Variants in WWOX observed in about 807,000 individuals in gnomAD.
WWOX encodes the protein WW domain containing oxidoreductase.
Under a neutral mutation model 46.2 loss-of-function variants are expected in WWOX, and 69 were observed. That is an observed-to-expected ratio of 1.49 (90% CI 1.23 to 1.82). WWOX has a LOEUF of 1.82. Among genes scored for constraint, WWOX ranks in the 40% most tolerant of loss-of-function variants. WWOX has a pLI of 0.00. For synonymous variants in WWOX, 359 were observed against 202.6 expected (o/e 1.77, Z -6.56); for missense variants, 919 against 542.6 (o/e 1.69, Z -6.89).
chr16:78,982,109 T>A (rs2046694259), intron 8 of WWOX, among the ~76,000 whole-genome samples: 1 of 152,046 alleles, frequency 6.6e-6, no homozygotes, highest in African/African-American at 2.4e-5. Flanking sequence ...CTAAACTCCG[T>A]GGGGTTTGTA....
At chr16:78,826,435 C>G (rs1259268026) in intron 8 of WWOX, among the ~76,000 whole-genome samples, 1 of 152,188 alleles carries the variant, frequency 6.6e-6, no homozygotes, top group African/African-American at 2.4e-5. Flanking sequence ...TTTGGAGGCT[C>G]TAGCTAAGAA....
At chr16:78,393,808 G>C (rs2151939289) in intron 6 of WWOX, among the ~76,000 whole-genome samples, 1 of 151,380 alleles carries the variant, frequency 6.6e-6, no homozygotes, top group East Asian at 1.9e-4. Flanking sequence ...CTTAAGCTTT[G>C]TCTCACTTAG....
At chr16:79,096,667 C>G (rs1024067895) in intron 8 of WWOX, among the ~76,000 whole-genome samples, 6 of 152,200 alleles carry the variant, frequency 3.9e-5, no homozygotes, top group Admixed American at 6.6e-5. Flanking sequence ...AATCCAAGCA[C>G]AATTTCCAGT....
At chr16:78,333,150 A>G (rs1314543590) in intron 5 of WWOX, among the ~76,000 whole-genome samples, 2 of 144,198 alleles carry the variant, frequency 1.4e-5, no homozygotes, top group Non-Finnish European at 3.0e-5. Context: ...TCCCAGGTTC[A>G]GGCGATTCTC....
chr16:78,114,954 C>T, intron 3 of WWOX, 22 bp from the exon 4 acceptor site: 2 of 1,614,048 alleles, frequency 1.2e-6, no homozygotes, highest in Non-Finnish European at 1.7e-6. Flanking sequence ...GCTGTGGGTT[C>T]ACTGCTTTCT....
chr16:79,155,142 C>A (rs12933537), intron 8 of WWOX, among the ~76,000 whole-genome samples: 12,591 of 152,232 alleles, frequency 0.083, 637 homozygotes, highest in African/African-American at 0.12. Flanking sequence ...CTTTGGGAGG[C>A]CGAGGCAGGC....
intron 8 of WWOX, among the ~76,000 whole-genome samples, chr16:78,726,124 T>TTCCTCCCTCCCTCC (rs2048829276): frequency 1.1e-5 from 1 of 93,410 alleles, no homozygotes; most frequent in Non-Finnish European, 2.1e-5. Context: ...TGCCTCCCTC[T>TTCCTCCCTCCCTCC]CTCCCTCTCT....
rs570580246 is a variant in WWOX, at chr16:78,850,589, C to G, written c.1057-361019C>G. 3.9e-5 allele frequency among the ~76,000 whole-genome samples: 6 copies of G among 152,210 alleles called. No homozygotes were observed. The South Asian group carries it at 1.2e-3, about 32-fold the overall frequency. On this transcript the variant is annotated intron_variant, in intron 8 of 8. Coordinates refer to ENST00000566780, the MANE Select transcript of WWOX (RefSeq NM_016373.4). The stretch of plus-strand genomic sequence containing the variant: ...CCCCTCTCCCCCATTGTTTACGATT[C>G]CTTGGAGTTCCACTGCTACTTCATA...
chr16:78,369,752 A>C lies in WWOX; in HGVS notation c.517-17108A>C, dbSNP rs187708621. 3.3e-5 allele frequency among the ~76,000 whole-genome samples: 5 copies of C among 152,228 alleles called. No homozygotes were observed. The East Asian group carries it at 9.7e-4, about 29-fold the overall frequency. On this transcript the variant is annotated intron_variant, in intron 5 of 8. Transcript: ENST00000566780. The stretch of plus-strand genomic sequence containing the variant: ...ACCCAATTGTTAAAATCCAACAAAT[A>C]CGTTGCTTGTGGATACAGTTGTGTA...
At chr16:79,009,250 C>A (rs1156753344) in intron 8 of WWOX, among the ~76,000 whole-genome samples, 2 of 152,174 alleles carry the variant, frequency 1.3e-5, no homozygotes, top group African/African-American at 4.8e-5. Flanking sequence ...ACGGTTTGGG[C>A]ACTATAGCCT....
chr16:78,772,554 T>A (rs1308790848), intron 8 of WWOX, among the ~76,000 whole-genome samples: 1 of 152,216 alleles, frequency 6.6e-6, no homozygotes, highest in African/African-American at 2.4e-5. Context: ...GAAGTTATTA[T>A]CTTCCCTTTT....
At chr16:78,823,735 C>G (rs1049040034) in intron 8 of WWOX, among the ~76,000 whole-genome samples, 8 of 151,728 alleles carry the variant, frequency 5.3e-5, no homozygotes, top group Admixed American at 1.3e-4. Flanking sequence ...TGCTGTTTCT[C>G]TAAGGGGATG....
chr16:78,787,361 A>C (rs1303638045), intron 8 of WWOX, among the ~76,000 whole-genome samples: 1 of 151,938 alleles, frequency 6.6e-6, no homozygotes, highest in African/African-American at 2.4e-5. Context: ...AACCACATCT[A>C]CTTTGTGTCT....
intron 8 of WWOX, among the ~76,000 whole-genome samples, chr16:78,699,494 G>C (rs116316245): frequency 6.6e-6 from 1 of 152,102 alleles, no homozygotes; most frequent in African/African-American, 2.4e-5. Context: ...AGCTGAGATC[G>C]TGCCACTGTA....
chr16:79,001,177 T>C (rs2047085392), intron 8 of WWOX, among the ~76,000 whole-genome samples: 1 of 152,182 alleles, frequency 6.6e-6, no homozygotes, highest in South Asian at 2.1e-4. Flanking sequence ...GAATGCACTT[T>C]TGAATAAAGG....
intron 8 of WWOX, among the ~76,000 whole-genome samples, chr16:78,889,534 G>C (rs754966523): frequency 4.3e-4 from 66 of 152,162 alleles, no homozygotes; most frequent in African/African-American, 9.6e-4. Context: ...CTATACGACA[G>C]CCATAAGTAT....
At chr16:78,367,743 G>C (rs116256271) in intron 5 of WWOX, among the ~76,000 whole-genome samples, 1,788 of 151,890 alleles carry the variant, frequency 0.012, 32 homozygotes, top group African/African-American at 0.041. Context: ...ATCCCATTTG[G>C]GCCAACCTCT....
intron 5 of WWOX, among the ~76,000 whole-genome samples, chr16:78,320,370 A>G (rs2151882960): frequency 6.6e-6 from 1 of 152,328 alleles, no homozygotes; most frequent in Non-Finnish European, 1.5e-5. Flanking sequence ...ATCTGGGGGT[A>G]GTTAGACTTC....
rs369384205 is a variant in WWOX at position 78,669,598 on chromosome 16, G to C, written c.1056+236846G>C. ...CAGGTTGAGAAACGTGACCTAGCTG[G>C]AAGGTGAACAGGAACTAAATGAGTC... On this transcript the variant is annotated intron_variant, in intron 8 of 8. Transcript: ENST00000566780. Among the ~76,000 whole-genome samples, 12 of 152,306 alleles carry C rather than the reference G, an allele frequency of 7.9e-5. No individual in the cohort carries two copies. In the South Asian group the frequency reaches 2.5e-3, roughly 32 times the overall value.
Sources: gnomAD v4.1 joint callset for allele counts (sites outside exome capture counted in the v4.1 genomes callset) on GRCh38, gnomAD v4.1.1 for gene constraint, MANE v1.5 for transcripts, NCBI Gene and HGNC (gene_info 2026-07-23, HGNC 2026-07-21) for gene names.